The following DIP2B variants were observed in gnomAD, a reference collection of about 807,000 sequenced individuals.
DIP2B encodes the protein disco-interacting protein 2 homolog B.
DIP2B carries 76 observed loss-of-function variants against 198.0 expected under a neutral mutation model. That is an observed-to-expected ratio of 0.38 (90% CI 0.32 to 0.46). The LOEUF (loss-of-function observed/expected upper bound fraction) is 0.46. DIP2B is among the 20% of genes least tolerant of loss of function. The probability of loss-of-function intolerance (pLI) is 0.99; values close to 1 mark genes in which losing one functional copy is unlikely to be tolerated. For missense variants in DIP2B, 1,559 were observed against 1,978.4 expected, an observed-to-expected ratio of 0.79 and a Z score of 4.02; for synonymous variants, 701 against 739.1, an observed-to-expected ratio of 0.95 and a Z score of 0.84.
Position 50,695,274 on chromosome 12 carries a change from T to C in DIP2B, c.1727T>C (p.Met576Thr). Residue 576 changes from methionine to threonine, a missense_variant, in exon 15 of 38, where the codon ATG becomes ACG. Transcript: ENST00000301180. The stretch of plus-strand genomic sequence containing the variant: ...TCTTTCTTTGTTTTTCAGAATGTAA[T>C]GAATAAGATGCACACAATCAGCGTA... ...GLWHGMFANV[M>T]NKMHTISVPY... The C allele has an allele frequency of 6.2e-7, 1 of 1,613,114 alleles. No homozygotes were observed. The highest frequency in any genetic ancestry group is 1.1e-5 in the South Asian group (1 of 90,802).
chr12:50,727,326 G>A (rs889577948), intron 28 of DIP2B, among the ~76,000 whole-genome samples: 2 of 152,136 alleles, frequency 1.3e-5, no homozygotes, highest in African/African-American at 4.8e-5. Context: ...TATGAGGGTA[G>A]GTATTATTTT....
intron 1 of DIP2B, among the ~76,000 whole-genome samples, chr12:50,509,167 A>G (rs1168130566): frequency 6.6e-6 from 1 of 152,224 alleles, no homozygotes; most frequent in East Asian, 1.9e-4. Flanking sequence ...AAATCATTGA[A>G]AACTGCCAAC....
chr12:50,539,362 A>G (rs189279924), intron 1 of DIP2B, among the ~76,000 whole-genome samples: 8 of 151,990 alleles, frequency 5.3e-5, no homozygotes, highest in African/African-American at 1.7e-4. Context: ...GTGTGGTGTA[A>G]TACCAGCACT....
chr12:50,530,605 A>G (rs766249909), intron 1 of DIP2B, among the ~76,000 whole-genome samples: 10 of 152,242 alleles, frequency 6.6e-5, no homozygotes, highest in Non-Finnish European at 1.5e-4. Flanking sequence ...AAGACAGGGC[A>G]GGAAGACTTA....
chr12:50,698,381 G>T lies in DIP2B; in HGVS notation c.2102G>T (p.Gly701Val). The change falls in exon 18 of 38, where the codon GGA becomes GTA. Residue 701 changes from glycine to valine, a missense_variant. Physicochemically the swap from Gly to Val is moderately radical, Grantham distance 109. Transcript: ENST00000301180. ...GGAAGAGCCATTCTCTCAATGAATG[G>T]ATTGAGCTATGGGGTAATACGGGTC... ...LPGRAILSMNGLSYGVIRVNT... is the reference protein window; with the variant it reads ...LPGRAILSMNVLSYGVIRVNT... 1 of 1,614,006 alleles carries T rather than the reference G, an allele frequency of 6.2e-7. No homozygotes were observed. The highest frequency in any genetic ancestry group is 1.1e-5 in the South Asian group (1 of 91,030).
At chr12:50,537,009 T>C (rs1958273732) in intron 1 of DIP2B, among the ~76,000 whole-genome samples, 1 of 151,550 alleles carries the variant, frequency 6.6e-6, no homozygotes, top group African/African-American at 2.4e-5. Context: ...GTTGAATCCT[T>C]CTCCTAATCT....
chr12:50,674,548 A>G lies in DIP2B; in HGVS notation c.715A>G (p.Asn239Asp). The change falls in exon 6 of 38, where the codon AAC becomes GAC. Residue 239 changes from asparagine to aspartate, a missense_variant. Coordinates refer to ENST00000301180, the MANE Select transcript of DIP2B (RefSeq NM_173602.3). ...SSSSSSIRPA[N>D]IDLPPSGIVK... ...ATCATCTTCCTCAATTCGCCCAGCAAACATTGACCTGCCCCCCTCGGGGAT... is the reference window on the plus strand; with the variant it reads ...ATCATCTTCCTCAATTCGCCCAGCAGACATTGACCTGCCCCCCTCGGGGAT... 6.2e-7 allele frequency: 1 copy of G among 1,614,232 alleles called. No individual in the cohort carries two copies. The highest frequency in any genetic ancestry group is 8.5e-7 in the Non-Finnish European group (1 of 1,180,038).
intron 3 of DIP2B, among the ~76,000 whole-genome samples, chr12:50,653,232 A>G (rs1938489032): frequency 6.9e-6 from 1 of 145,048 alleles, no homozygotes; most frequent in African/African-American, 2.6e-5. Flanking sequence ...TTTTTTCATG[A>G]TTCGGTCTTG....
chr12:50,699,992 A>G (rs1024322112), intron 19 of DIP2B, among the ~76,000 whole-genome samples: 1 of 152,000 alleles, frequency 6.6e-6, no homozygotes, highest in African/African-American at 2.4e-5. Context: ...TCGAGAGTAA[A>G]CTCCAATTAT....
chr12:50,635,609 C>T (rs184678846), intron 2 of DIP2B, among the ~76,000 whole-genome samples: 2 of 152,230 alleles, frequency 1.3e-5, no homozygotes, highest in East Asian at 3.9e-4. Flanking sequence ...TTCAGTCCTG[C>T]CTTTGAAGTT....
At chr12:50,680,626 G>GC (rs1555192370) in intron 8 of DIP2B, 46 bp from the exon 9 acceptor site, 1 of 1,405,018 alleles carries the variant, frequency 7.1e-7, no homozygotes, top group African/African-American at 1.4e-5. Context: ...AGGTAGACCT[G>GC]TTTTTTTTTC....
At chr12:50,720,195 T>C (rs532618893) in intron 25 of DIP2B, among the ~76,000 whole-genome samples, 1 of 152,172 alleles carries the variant, frequency 6.6e-6, no homozygotes, top group South Asian at 2.1e-4. Context: ...CCCAAAGTGC[T>C]AGGATTATAG....
intron 2 of DIP2B, among the ~76,000 whole-genome samples, chr12:50,630,062 G>T (rs942994843): frequency 1.3e-5 from 2 of 150,886 alleles, no homozygotes; most frequent in Non-Finnish European, 2.9e-5. Context: ...CGATTCTCCT[G>T]CCTCAGCCTC....
chr12:50,582,211 G>A (rs967270630), intron 1 of DIP2B, among the ~76,000 whole-genome samples: 10 of 133,194 alleles, frequency 7.5e-5, no homozygotes, highest in African/African-American at 1.2e-4. Flanking sequence ...GGGTTCAATG[G>A]TGCGATCTCA....
At chr12:50,570,153 G>A (rs890789763) in intron 1 of DIP2B, among the ~76,000 whole-genome samples, 1 of 152,082 alleles carries the variant, frequency 6.6e-6, no homozygotes, top group Non-Finnish European at 1.5e-5. Flanking sequence ...TTAAAATGAA[G>A]AAGTTCTCCG....
intron 1 of DIP2B, among the ~76,000 whole-genome samples, chr12:50,529,255 C>A (rs1958194620): frequency 6.6e-6 from 1 of 152,164 alleles, no homozygotes; most frequent in Non-Finnish European, 1.5e-5. Flanking sequence ...GGCACCATTG[C>A]AACTCTTGCC....
At chr12:50,627,633 A>G (rs144533871) in intron 2 of DIP2B, among the ~76,000 whole-genome samples, 2 of 152,186 alleles carry the variant, frequency 1.3e-5, no homozygotes, top group South Asian at 2.1e-4. Context: ...CTGGCCTACT[A>G]TGAGAAATCT....
intron 37 of DIP2B, among the ~76,000 whole-genome samples, chr12:50,742,060 A>G (rs1940253744): frequency 6.6e-6 from 1 of 152,136 alleles, no homozygotes; most frequent in Admixed American, 6.5e-5. Flanking sequence ...TTTCCCTGAT[A>G]AAGGATCGTC....
chr12:50,690,710 A>G (rs1939209285), intron 12 of DIP2B, among the ~76,000 whole-genome samples: 1 of 152,212 alleles, frequency 6.6e-6, no homozygotes, highest in African/African-American at 2.4e-5. Context: ...TTCACTCTGC[A>G]GTGCTGTGCT....
Sources: gnomAD v4.1 joint callset for allele counts (sites outside exome capture counted in the v4.1 genomes callset) on GRCh38, gnomAD v4.1.1 for gene constraint, MANE v1.5 for transcripts, NCBI Gene and HGNC (gene_info 2026-07-23, HGNC 2026-07-21) for gene names.